Variants in STAG1 observed in about 807,000 individuals in gnomAD.
STAG1 encodes the protein STAG1 cohesin complex component, also known as cohesin subunit SA-1.
STAG1 carries 26 observed loss-of-function variants against 170.9 expected under a neutral mutation model. That is an observed-to-expected ratio of 0.15 (90% CI 0.11 to 0.21). The LOEUF is 0.21. Among genes scored for constraint, STAG1 ranks in the 10% least tolerant of loss-of-function variants. The pLI is 1.00. For missense variants in STAG1, 964 were observed against 1,509.5 expected, an observed-to-expected ratio of 0.64 and a Z score of 5.99; for synonymous variants, 514 against 497.7, an observed-to-expected ratio of 1.03 and a Z score of -0.44.
chr3:136,444,976 T>G (rs2088736140), intron 14 of STAG1, among the ~76,000 whole-genome samples: 1 of 151,812 alleles, frequency 6.6e-6, no homozygotes, highest in Admixed American at 6.6e-5. Flanking sequence ...TCCTCCGAAC[T>G]TAGCCCCTGG....
intron 4 of STAG1, among the ~76,000 whole-genome samples, chr3:136,588,713 C>T (rs187382976): frequency 2.0e-5 from 3 of 152,108 alleles, no homozygotes; most frequent in East Asian, 1.9e-4. Flanking sequence ...CCACAACCTC[C>T]GCCTCCCGGG....
intron 28 of STAG1, among the ~76,000 whole-genome samples, chr3:136,351,350 T>A (rs891335707): frequency 6.6e-5 from 10 of 152,234 alleles, no homozygotes; most frequent in African/African-American, 2.4e-4. Flanking sequence ...CTTAAAAGTT[T>A]CTTTTGTTTA....
intron 13 of STAG1, among the ~76,000 whole-genome samples, chr3:136,453,460 G>A (rs1233981399): frequency 2.0e-5 from 3 of 151,770 alleles, no homozygotes; most frequent in Non-Finnish European, 4.4e-5. Context: ...GCGTGGTGGC[G>A]GGCGCCTGTA....
At chr3:136,709,655 A>G (rs1412282015) in intron 1 of STAG1, among the ~76,000 whole-genome samples, 1 of 152,042 alleles carries the variant, frequency 6.6e-6, no homozygotes, top group East Asian at 1.9e-4. Flanking sequence ...AGATCACTTG[A>G]TCCCAGGAGT....
intron 22 of STAG1, among the ~76,000 whole-genome samples, chr3:136,394,105 G>A (rs994894862): frequency 3.3e-5 from 5 of 151,928 alleles, no homozygotes; most frequent in African/African-American, 4.8e-5. Context: ...ACGGGGTTTC[G>A]CCATGTTGGT....
At chr3:136,696,049 G>C (rs1375185169) in intron 1 of STAG1, among the ~76,000 whole-genome samples, 1 of 152,102 alleles carries the variant, frequency 6.6e-6, no homozygotes, top group African/African-American at 2.4e-5. Context: ...GATAATCTTT[G>C]GTATGTCTAA....
intron 1 of STAG1, among the ~76,000 whole-genome samples, chr3:136,683,143 C>T (rs771292165): frequency 1.6e-4 from 25 of 152,106 alleles, no homozygotes; most frequent in Non-Finnish European, 2.2e-4. Flanking sequence ...CAGGTGACAA[C>T]GTTTCACTTC....
chr3:136,578,196 C>G (rs993684900), intron 4 of STAG1, among the ~76,000 whole-genome samples: 8 of 152,142 alleles, frequency 5.3e-5, no homozygotes, highest in Admixed American at 2.0e-4. Context: ...TAAGAGATTT[C>G]TATGGAGATG....
chr3:136,677,680 A>G (rs1942167758), intron 1 of STAG1, among the ~76,000 whole-genome samples: 1 of 152,024 alleles, frequency 6.6e-6, no homozygotes, highest in Admixed American at 6.6e-5. Flanking sequence ...CAATCTTTGC[A>G]GCAGAGTGAG....
chr3:136,645,740 G>A (rs1940983862), intron 1 of STAG1, among the ~76,000 whole-genome samples: 1 of 152,080 alleles, frequency 6.6e-6, no homozygotes, highest in South Asian at 2.1e-4. Flanking sequence ...AATTCTCTTA[G>A]TTACCCATAG....
chr3:136,671,868 A>G (rs1030705414), intron 1 of STAG1, among the ~76,000 whole-genome samples: 2 of 152,190 alleles, frequency 1.3e-5, no homozygotes, highest in African/African-American at 4.8e-5. Flanking sequence ...GAATGAGACC[A>G]TTACCTTGAA....
chr3:136,559,995 A>T (rs535850684), intron 5 of STAG1, among the ~76,000 whole-genome samples: 1 of 152,348 alleles, frequency 6.6e-6, no homozygotes, highest in South Asian at 2.1e-4. Context: ...TGGACATAAC[A>T]ACTTCCTGAA....
At chr3:136,484,158 C>T (rs1238759447) in intron 9 of STAG1, among the ~76,000 whole-genome samples, 17 of 148,014 alleles carry the variant, frequency 1.1e-4, no homozygotes, top group East Asian at 4.1e-4. Context: ...AGGCGCTCTG[C>T]GTTTTAGAGT....
chr3:136,394,916 G>A (rs2087108724), intron 22 of STAG1, among the ~76,000 whole-genome samples: 1 of 142,368 alleles, frequency 7.0e-6, no homozygotes, highest in Non-Finnish European at 1.5e-5. Flanking sequence ...TCATGCCACT[G>A]CACTCTAGCG....
At chr3:136,679,851 G>C (rs1253126947) in intron 1 of STAG1, among the ~76,000 whole-genome samples, 1 of 150,644 alleles carries the variant, frequency 6.6e-6, no homozygotes, top group Non-Finnish European at 1.5e-5. Flanking sequence ...GCAGTGACCC[G>C]AGATTGCACC....
chr3:136,741,365 C>A (rs947788619), intron 1 of STAG1, among the ~76,000 whole-genome samples: 2 of 152,212 alleles, frequency 1.3e-5, no homozygotes, highest in African/African-American at 4.8e-5. Flanking sequence ...AACTTGTCAG[C>A]CTATAAATAG....
In STAG1 at chr3:136,712,994, G is replaced by A. The variant is rs573717431; in HGVS notation, c.-84+39201C>T. ...TCATCCCAGCTACTCAGGAGGCTGA[G>A]GCAGGAGAACCACTTGGAACCCGGG... On this transcript the variant is annotated intron_variant, in intron 1 of 33. Transcript: ENST00000383202. 6.6e-5 allele frequency among the ~76,000 whole-genome samples: 10 copies of A among 152,214 alleles called. No homozygotes were observed. The South Asian group carries it at 2.1e-3, about 32-fold the overall frequency.
At chr3:136,621,919 A>G (rs918125731) in intron 3 of STAG1, among the ~76,000 whole-genome samples, 1 of 151,450 alleles carries the variant, frequency 6.6e-6, no homozygotes, top group Non-Finnish European at 1.5e-5. Flanking sequence ...ATTACAAACT[A>G]TAAAACTGGC....
At chr3:136,626,387 T>G (rs1329293776) in intron 2 of STAG1, among the ~76,000 whole-genome samples, 1 of 148,552 alleles carries the variant, frequency 6.7e-6, no homozygotes, top group East Asian at 2.0e-4. Flanking sequence ...ATCACGCCAC[T>G]GCACTCCAGC....
Sources: gnomAD v4.1 joint callset for allele counts (sites outside exome capture counted in the v4.1 genomes callset) on GRCh38, gnomAD v4.1.1 for gene constraint, MANE v1.5 for transcripts, NCBI Gene and HGNC (gene_info 2026-07-23, HGNC 2026-07-21) for gene names.